PLEKHS1: variants seen among roughly 807,000 people sequenced by gnomAD.
PLEKHS1 encodes pleckstrin homology domain-containing family S member 1.
A neutral mutation model predicts 51.0 loss-of-function variants in PLEKHS1; 55 were observed. The ratio of observed to expected loss-of-function variants is 1.08; its 90% CI spans 0.87 to 1.35. The LOEUF (loss-of-function observed/expected upper bound fraction) is 1.35, where lower values mean the gene tolerates loss of function less well. Among genes scored for constraint, PLEKHS1 ranks in the 40% most tolerant of loss-of-function variants. The pLI is 0.00. For missense variants in PLEKHS1, 398 were observed against 423.0 expected (o/e 0.94, Z 0.52); for synonymous variants, 153 against 144.8 (o/e 1.06, Z -0.41).
chr10:113,780,289 T>C lies in PLEKHS1; in HGVS notation c.*-313T>C, dbSNP rs557142488. On this transcript the variant is annotated intron_variant, in intron 11 of 11. Transcript: ENST00000361048. Reference sequence around the variant, plus strand: ...GGAGTCCTGTCTGGTGGTTTCATTTTGATTCACTTGTTTGAAGAGGCCTTT... The same window carrying C: ...GGAGTCCTGTCTGGTGGTTTCATTTCGATTCACTTGTTTGAAGAGGCCTTT... 2.4e-4 allele frequency among the ~76,000 whole-genome samples: 36 copies of C among 152,286 alleles called. 1 individual carries two copies. Among genetic ancestry groups the C allele is most frequent in the African/African-American group, 8.7e-4 (36 of 41,552 alleles).
chr10:113,777,017 A>T, intron 11 of PLEKHS1, 107 bp from the exon 12 acceptor site: 1 of 1,243,012 alleles, frequency 8.0e-7, no homozygotes, highest in Non-Finnish European at 1.1e-6. Flanking sequence ...GAGATAGTCT[A>T]CTTCAGAGGT....
At chr10:113,757,292 C>T (rs775372463) in intron 2 of PLEKHS1, among the ~76,000 whole-genome samples, 9 of 152,098 alleles carry the variant, frequency 5.9e-5, no homozygotes, top group Non-Finnish European at 1.0e-4. Flanking sequence ...CTAAAGTGTA[C>T]AATTTGATAG....
chr10:113,775,897 T>C (rs1228304394), intron 11 of PLEKHS1, 31 bp downstream of exon 11: 2 of 1,488,534 alleles, frequency 1.3e-6, no homozygotes. Context: ...TTGTGGATTA[T>C]AAATGGGGCT....
At chr10:113,761,896 AATTG>A (rs1278536085) in intron 2 of PLEKHS1, among the ~76,000 whole-genome samples, 1 of 152,020 alleles carries the variant, frequency 6.6e-6, no homozygotes, top group Non-Finnish European at 1.5e-5. Context: ...CTTTGTGTAG[AATTG>A]ATTATTTCTT....
At chr10:113,780,176 G>C (rs1008671607) in intron 11 of PLEKHS1, among the ~76,000 whole-genome samples, 7 of 152,176 alleles carry the variant, frequency 4.6e-5, no homozygotes, top group African/African-American at 7.2e-5. Flanking sequence ...ATTTTCAAGG[G>C]AAGGGGAGAA....
rs373783132 is a variant in PLEKHS1, at chr10:113,767,436, A to G, written c.316A>G (p.Ile106Val). The change falls in exon 5 of 12, where the codon ATC becomes GTC. Residue 106 changes from isoleucine (I) to valine (V), a missense_variant. Physicochemically the swap from Ile to Val is conservative, Grantham distance 29 (BLOSUM62 3). Transcript: ENST00000361048. ...ATGCCACCCTGATGAGGTCATGTCCATCAGAACCACTAACAGGGAATACTT... is the reference window on the plus strand; with the variant it reads ...ATGCCACCCTGATGAGGTCATGTCCGTCAGAACCACTAACAGGGAATACTT... 60 of 1,613,538 alleles carry G rather than the reference A, an allele frequency of 3.7e-5. No individual in the cohort carries two copies. The South Asian group carries it at 6.3e-4, about 17-fold the overall frequency.
intron 2 of PLEKHS1, among the ~76,000 whole-genome samples, chr10:113,760,801 A>C (rs781414853): frequency 2.0e-5 from 3 of 152,146 alleles, no homozygotes; most frequent in Non-Finnish European, 4.4e-5. Context: ...GATGCACAAA[A>C]GTTTTTAATT....
At chr10:113,766,181 T>C (rs952020583) in intron 2 of PLEKHS1, among the ~76,000 whole-genome samples, 3 of 152,178 alleles carry the variant, frequency 2.0e-5, no homozygotes, top group African/African-American at 7.2e-5. Context: ...GCCAGACAGG[T>C]GTGAGCTGAA....
intron 8 of PLEKHS1, among the ~76,000 whole-genome samples, chr10:113,773,367 C>T (rs961935327): frequency 6.6e-6 from 1 of 151,890 alleles, no homozygotes. Flanking sequence ...CTGGCCTTTG[C>T]TAGGTACTTT....
chr10:113,756,773 G>A (rs1854132925), intron 2 of PLEKHS1, among the ~76,000 whole-genome samples: 1 of 152,164 alleles, frequency 6.6e-6, no homozygotes, highest in Non-Finnish European at 1.5e-5. Context: ...ATACTTATAA[G>A]GTAGGAGAAG....
Position 113,774,335 on chromosome 10 carries a change from T to G in PLEKHS1, c.779+2T>G. ...TCATTATGAGCCAATGGAATCCTAG[T>G]AAGTCAAAATGCCGTTTCAAAATTT... On this transcript the variant is annotated splice_donor_variant, in intron 9 of 11. Coordinates refer to ENST00000361048, the Ensembl canonical transcript of PLEKHS1. LOFTEE classifies it high-confidence loss of function. 6.5e-7 allele frequency: 1 copy of G among 1,537,828 alleles called. No individual in the cohort carries two copies. The highest frequency in any genetic ancestry group is 8.8e-7 in the Non-Finnish European group (1 of 1,137,500).
At chr10:113,768,278 G>C (rs2134528031) in intron 5 of PLEKHS1, among the ~76,000 whole-genome samples, 1 of 152,282 alleles carries the variant, frequency 6.6e-6, no homozygotes, top group South Asian at 2.1e-4. Flanking sequence ...GCTTGAGGGA[G>C]AGGCAAAGCG....
chr10:113,771,187 A>G (rs143017133), intron 7 of PLEKHS1: 3 of 152,226 alleles, frequency 2.0e-5, no homozygotes, highest in Admixed American at 2.0e-4. Flanking sequence ...TCATACTATC[A>G]TATGATCAAC....
intron 2 of PLEKHS1, among the ~76,000 whole-genome samples, chr10:113,759,295 T>G (rs1175337365): frequency 1.3e-5 from 2 of 152,154 alleles, no homozygotes; most frequent in African/African-American, 4.8e-5. Context: ...TCCCAGCTAC[T>G]CAGGAGGCTG....
At position 113,770,713 on chromosome 10, in the gene PLEKHS1, C is replaced by G. The variant is rs139402740; in HGVS notation, c.552+813C>G. Among the ~76,000 whole-genome samples, 537 of 152,270 alleles carry G rather than the reference C, an allele frequency of 3.5e-3. 6 individuals are homozygous for G. Among genetic ancestry groups the G allele is most frequent in the African/African-American group, 0.013 (522 of 41,542 alleles). On this transcript the variant is annotated intron_variant, in intron 7 of 11. Coordinates refer to ENST00000361048, the Ensembl canonical transcript of PLEKHS1. ...CAGTTCTTCATTTAGCGAGTAGAAA[C>G]GGTGGTATGCAGCAGTTAGGAAGCT...
exon 12 of PLEKHS1, chr10:113,780,876 C>G: frequency 8.5e-7 from 1 of 1,172,028 alleles, no homozygotes; most frequent in Non-Finnish European, 1.2e-6. Flanking sequence ...CAGTCGGCAC[C>G]CCCCTCTGAA....
chr10:113,759,598 G>C (rs1427131860), intron 2 of PLEKHS1, among the ~76,000 whole-genome samples: 2 of 152,014 alleles, frequency 1.3e-5, no homozygotes, highest in Non-Finnish European at 2.9e-5. Flanking sequence ...CTGGTATTGA[G>C]TGCACCAATA....
chr10:113,756,286 T>A (rs1045681531), intron 2 of PLEKHS1, among the ~76,000 whole-genome samples: 1 of 152,044 alleles, frequency 6.6e-6, no homozygotes, highest in African/African-American at 2.4e-5. Context: ...GCCAACATGG[T>A]GAAACCTCGT....
Position 113,768,895 on chromosome 10 carries a change from C to G in PLEKHS1, c.435+5C>G. ...GCAACACAGCAGAACACAGAGGTGA[C>G]TCCATATCACTAATAAAATAACAGG... On this transcript the variant is annotated splice_donor_5th_base_variant and intron_variant, in intron 6 of 11. Coordinates refer to ENST00000361048, the Ensembl canonical transcript of PLEKHS1. The G allele has an allele frequency of 6.2e-7, 1 of 1,603,312 alleles. No individual in the cohort carries two copies. The highest frequency in any genetic ancestry group is 8.5e-7 in the Non-Finnish European group (1 of 1,175,296).
Sources: allele counts gnomAD v4.1 joint callset (sites outside exome capture counted in the v4.1 genomes callset), GRCh38; gene constraint gnomAD v4.1.1; transcripts MANE v1.5; gene names NCBI Gene and HGNC (gene_info 2026-07-23, HGNC 2026-07-21).